The following BMPER variants were observed in gnomAD, a reference collection of about 807,000 sequenced individuals.
BMPER encodes the protein BMP binding endothelial regulator.
In BMPER, 45 loss-of-function variants were observed where a neutral mutation model predicts 87.3. The observed-to-expected ratio is 0.52, with a 90% CI of 0.41 to 0.66. BMPER has a LOEUF of 0.66. BMPER is among the 30% of genes least tolerant of loss of function. The pLI is 0.00. For synonymous variants in BMPER, 326 were observed against 316.2 expected (o/e 1.03, Z -0.33); for missense variants, 784 against 867.5 (o/e 0.90, Z 1.21).
intron 5 of BMPER, among the ~76,000 whole-genome samples, chr7:33,970,665 A>G (rs1785521790): frequency 6.6e-6 from 1 of 152,126 alleles, no homozygotes; most frequent in Non-Finnish European, 1.5e-5. Flanking sequence ...TCCACTCCAC[A>G]GGGCCACAGG....
chr7:33,928,518 T>C (rs565382293), intron 2 of BMPER, among the ~76,000 whole-genome samples: 51 of 151,714 alleles, frequency 3.4e-4, no homozygotes, highest in African/African-American at 1.2e-3. Context: ...CATTTCAAAA[T>C]ATGATTAAAC....
chr7:34,115,608 C>G (rs942238541), intron 13 of BMPER, among the ~76,000 whole-genome samples: 1 of 152,186 alleles, frequency 6.6e-6, no homozygotes, highest in Non-Finnish European at 1.5e-5. Context: ...GTGGTTGTGA[C>G]TGGCTTCTTT....
intron 3 of BMPER, chr7:33,940,083 T>C: frequency 5.3e-6 from 1 of 189,370 alleles, no homozygotes; most frequent in East Asian, 1.4e-4. Context: ...CAAAAAATAG[T>C]CTAAACTGTG....
intron 2 of BMPER, among the ~76,000 whole-genome samples, chr7:33,913,465 T>C (rs1311024857): frequency 1.3e-5 from 2 of 152,028 alleles, no homozygotes; most frequent in African/African-American, 4.8e-5. Context: ...AGGCTGAAGT[T>C]TGGACAACAG....
chr7:34,124,813 G>C (rs994734356), intron 13 of BMPER, among the ~76,000 whole-genome samples: 1 of 152,030 alleles, frequency 6.6e-6, no homozygotes, highest in Non-Finnish European at 1.5e-5. Flanking sequence ...TCTTCACACT[G>C]TTAAAGAAAC....
intron 13 of BMPER, among the ~76,000 whole-genome samples, chr7:34,095,484 A>G (rs1176677771): frequency 1.3e-5 from 2 of 152,222 alleles, no homozygotes; most frequent in African/African-American, 4.8e-5. Flanking sequence ...TTCTATCTTT[A>G]AGCTTATGTC....
chr7:33,906,624 C>G (rs186430992), intron 1 of BMPER, among the ~76,000 whole-genome samples, 194 bp from the exon 2 acceptor site: 10 of 152,160 alleles, frequency 6.6e-5, no homozygotes, highest in African/African-American at 2.4e-4. Context: ...TTTTTTGAAC[C>G]TGTTTAAATA....
chr7:33,986,391 C>A (rs761106402), intron 6 of BMPER, among the ~76,000 whole-genome samples: 49 of 152,176 alleles, frequency 3.2e-4, no homozygotes, highest in Non-Finnish European at 6.8e-4. Context: ...GTGTCTTACA[C>A]ATAGGAAACA....
chr7:34,088,336 A>C (rs1789278587), intron 13 of BMPER, among the ~76,000 whole-genome samples: 2 of 152,326 alleles, frequency 1.3e-5, no homozygotes, highest in African/African-American at 4.8e-5. Context: ...GTCCAACAGG[A>C]GGATGCACCT....
At chr7:33,937,870 C>A (rs1271960412) in intron 3 of BMPER, among the ~76,000 whole-genome samples, 2 of 152,152 alleles carry the variant, frequency 1.3e-5, no homozygotes, top group Admixed American at 6.5e-5. Flanking sequence ...GTCCCTCCGC[C>A]TGTCTTTGAA....
chr7:33,935,647 T>C (rs1784585381), intron 2 of BMPER, among the ~76,000 whole-genome samples: 1 of 150,598 alleles, frequency 6.6e-6, no homozygotes, highest in East Asian at 1.9e-4. Flanking sequence ...ACTGGATGAC[T>C]CAGGTCACCC....
chr7:33,945,004 C>T (rs561897558), intron 3 of BMPER, among the ~76,000 whole-genome samples: 7 of 151,976 alleles, frequency 4.6e-5, no homozygotes, highest in South Asian at 4.2e-4. Flanking sequence ...TGCAGTGGCA[C>T]GATCTTGGCT....
intron 12 of BMPER, among the ~76,000 whole-genome samples, chr7:34,079,676 T>A (rs1175334743): frequency 6.6e-6 from 1 of 152,206 alleles, no homozygotes; most frequent in African/African-American, 2.4e-5. Context: ...AACAGCTTAG[T>A]ATCAGTGATG....
At chr7:34,012,220 T>C (rs550871932) in intron 6 of BMPER, among the ~76,000 whole-genome samples, 1 of 152,060 alleles carries the variant, frequency 6.6e-6, no homozygotes, top group South Asian at 2.1e-4. Context: ...TCATTTCAGT[T>C]TGATTTCCTA....
chr7:34,067,465 A>G (rs1788623414), intron 11 of BMPER, among the ~76,000 whole-genome samples: 1 of 152,188 alleles, frequency 6.6e-6, no homozygotes, highest in Non-Finnish European at 1.5e-5. Flanking sequence ...GAGGTTCTGC[A>G]AATTAGTGAT....
chr7:34,020,646 G>T (rs1472741962), intron 6 of BMPER, among the ~76,000 whole-genome samples: 1 of 151,954 alleles, frequency 6.6e-6, no homozygotes, highest in East Asian at 1.9e-4. Context: ...AAACATAGGA[G>T]TAAAAGGCGA....
intron 3 of BMPER, among the ~76,000 whole-genome samples, chr7:33,960,416 T>C (rs1031978710): frequency 6.6e-5 from 10 of 152,188 alleles, no homozygotes; most frequent in East Asian, 5.8e-4. Flanking sequence ...AAAAATTGTA[T>C]TGGGCTGGGG....
chr7:33,924,563 G>C (rs926530029), intron 2 of BMPER, among the ~76,000 whole-genome samples: 2 of 152,214 alleles, frequency 1.3e-5, no homozygotes, highest in Non-Finnish European at 2.9e-5. Flanking sequence ...GCTCTTTCCA[G>C]TGCCTGGAGC....
intron 13 of BMPER, among the ~76,000 whole-genome samples, chr7:34,088,862 CT>C (rs371383344): frequency 7.3e-4 from 111 of 152,292 alleles, no homozygotes; most frequent in African/African-American, 2.5e-3. Context: ...TAAACTCCCC[CT>C]GATGCATCTG....
Sources: gnomAD v4.1 joint callset for allele counts (sites outside exome capture counted in the v4.1 genomes callset) on GRCh38, gnomAD v4.1.1 for gene constraint, MANE v1.5 for transcripts, NCBI Gene and HGNC (gene_info 2026-07-23, HGNC 2026-07-21) for gene names.